Variants in ELAVL2 observed in about 807,000 individuals in gnomAD.
ELAVL2 encodes ELAV-like protein 2.
ELAVL2 carries 4 observed loss-of-function variants against 34.6 expected under a neutral mutation model. The ratio of observed to expected loss-of-function variants is 0.12; its 90% CI spans 0.06 to 0.26. The LOEUF is 0.26. ELAVL2 is among the 10% of genes least tolerant of loss of function. The pLI is 1.00. For missense variants in ELAVL2, 432 were observed against 442.8 expected (o/e 0.98, Z 0.22); for synonymous variants, 193 against 154.8 (o/e 1.25, Z -1.83).
intron 1 of ELAVL2, among the ~76,000 whole-genome samples, chr9:23,781,195 T>C (rs563131092): frequency 9.2e-5 from 14 of 152,348 alleles, no homozygotes; most frequent in Non-Finnish European, 1.9e-4. Context: ...TCAGGCACTA[T>C]ACAAAGTAGG....
At chr9:23,822,742 T>TA (rs1169523836) in intron 1 of ELAVL2, among the ~76,000 whole-genome samples, 2 of 152,266 alleles carry the variant, frequency 1.3e-5, no homozygotes, top group East Asian at 1.9e-4. Flanking sequence ...ATACTACATT[T>TA]AAAAAATCAC....
rs1466353669 is a variant in ELAVL2 at position 23,691,298 on chromosome 9, T to TTA, written c.*1257_*1258dup. On this transcript the variant is annotated 3_prime_UTR_variant, in exon 7 of 7. Transcript: ENST00000397312. ...CTGAAAGGTTCATAAACACAAGGTC[T>TTA]TATTTACATTACACAAAGCTCAGGT... 2 of 152,650 alleles carry TTA rather than the reference T, an allele frequency of 1.3e-5. No homozygotes were observed. Among genetic ancestry groups the TTA allele is most frequent in the South Asian group, 2.1e-4 (1 of 4,838 alleles). The allele number at this position is 152,650 out of a possible 1,614,324, so 9.5% of individuals were successfully genotyped here.
At chr9:23,705,958 T>G (rs143174389) in intron 3 of ELAVL2, among the ~76,000 whole-genome samples, 1 of 152,234 alleles carries the variant, frequency 6.6e-6, no homozygotes, top group East Asian at 1.9e-4. Flanking sequence ...GTGTGGGTGG[T>G]AGTGCTACAT....
At chr9:23,717,224 G>T (rs2042544674) in intron 3 of ELAVL2, among the ~76,000 whole-genome samples, 1 of 152,224 alleles carries the variant, frequency 6.6e-6, no homozygotes, top group African/African-American at 2.4e-5. Flanking sequence ...CCTTTCCTCT[G>T]TGTGTACACT....
At chr9:23,794,347 T>C (rs2060660752) in intron 1 of ELAVL2, among the ~76,000 whole-genome samples, 1 of 152,130 alleles carries the variant, frequency 6.6e-6, no homozygotes, top group Non-Finnish European at 1.5e-5. Context: ...CAGCTTCCCC[T>C]AAAGAGGGGA....
At chr9:23,747,212 G>A (rs576102838) in intron 2 of ELAVL2, among the ~76,000 whole-genome samples, 27 of 152,076 alleles carry the variant, frequency 1.8e-4, no homozygotes, top group Non-Finnish European at 3.7e-4. Context: ...AAAGGACAGG[G>A]AACATGTACC....
chr9:23,846,047 C>T, the ELAVL2 span, among the ~76,000 whole-genome samples: 1 of 151,656 alleles, frequency 6.6e-6, no homozygotes, highest in South Asian at 2.1e-4. Flanking sequence ...CTAATAAACC[C>T]AAGAATAGGC....
rs1474859666 is a variant in ELAVL2, at chr9:23,821,778, C to CGCGCT, written c.-16+4027_-16+4028insAGCGC. 1.6e-4 allele frequency: 24 copies of CGCGCT among 151,620 alleles called. 1 individual carries two copies. Among genetic ancestry groups the CGCGCT allele is most frequent in the African/African-American group, 5.8e-4 (24 of 41,496 alleles). 9.4% of individuals were successfully genotyped at this position (151,620 alleles called of 1,614,324 possible). On this transcript the variant is annotated intron_variant, in intron 1 of 6. Transcript: ENST00000397312. ...CCACCCGCGCCGCGCCGCGCCGCGC[C>CGCGCT]GGCAACCGCCCTCCTCACCCGGCCG... is the stretch of plus-strand genomic sequence containing the variant.
chr9:23,780,098 G>C (rs994556545), intron 1 of ELAVL2, among the ~76,000 whole-genome samples: 5 of 140,824 alleles, frequency 3.6e-5, no homozygotes, highest in African/African-American at 1.3e-4. Flanking sequence ...AATCTGCAGA[G>C]AATATCATCT....
At chr9:23,840,216 A>C in the ELAVL2 span, among the ~76,000 whole-genome samples, 1 of 152,196 alleles carries the variant, frequency 6.6e-6, no homozygotes, top group East Asian at 1.9e-4. Flanking sequence ...AGTATTTGTC[A>C]AGTGCCTGGC....
chr9:23,810,697 C>G (rs1401042844), intron 1 of ELAVL2, among the ~76,000 whole-genome samples: 1 of 152,122 alleles, frequency 6.6e-6, no homozygotes, highest in Non-Finnish European at 1.5e-5. Context: ...CTGACCTGAT[C>G]CTACTTCCCC....
intron 1 of ELAVL2, among the ~76,000 whole-genome samples, chr9:23,774,235 A>AAAAAAAAAAAAAAAAG (rs59791462): frequency 7.6e-6 from 1 of 132,314 alleles, no homozygotes; most frequent in African/African-American, 3.2e-5. Context: ...AAAAAAAAAA[A>AAAAAAAAAAAAAAAAG]AAAGAAAGAA....
the ELAVL2 span, among the ~76,000 whole-genome samples, chr9:23,844,770 C>T: frequency 1.3e-5 from 2 of 151,838 alleles, no homozygotes. Context: ...TCAAGCGAGG[C>T]GGTATGTAGC....
intron 3 of ELAVL2, among the ~76,000 whole-genome samples, chr9:23,711,213 G>C (rs1196075346): frequency 6.6e-6 from 1 of 152,166 alleles, no homozygotes; most frequent in Non-Finnish European, 1.5e-5. Flanking sequence ...TTAAAGGTTA[G>C]GGCAGTTATC....
rs1193356055 is a variant in ELAVL2, at chr9:23,706,475, G to T, written c.334-1404C>A. 2.0e-5 allele frequency among the ~76,000 whole-genome samples: 3 copies of T among 152,154 alleles called. No individual in the cohort carries two copies. The East Asian group carries it at 5.8e-4, about 29-fold the overall frequency. ...TCAGTTCAAGTCATCCAGATCTCCT[G>T]CCCCAATTGTAATTGATGACTCTCT... On this transcript the variant is annotated intron_variant, in intron 3 of 6. Transcript: ENST00000397312.
intron 2 of ELAVL2, among the ~76,000 whole-genome samples, chr9:23,732,466 G>A (rs78641403): frequency 0.017 from 2,596 of 152,216 alleles, 36 homozygotes; most frequent in Non-Finnish European, 0.028. Context: ...AACTAATTAG[G>A]TTAATTTCAT....
At chr9:23,782,455 C>G (rs1307866833) in intron 1 of ELAVL2, among the ~76,000 whole-genome samples, 1 of 151,734 alleles carries the variant, frequency 6.6e-6, no homozygotes, top group Admixed American at 6.6e-5. Context: ...ACCTGTAATC[C>G]CAGCTACTCA....
chr9:23,742,894 C>T (rs1219998143), intron 2 of ELAVL2, among the ~76,000 whole-genome samples: 1 of 152,102 alleles, frequency 6.6e-6, no homozygotes, highest in Non-Finnish European at 1.5e-5. Flanking sequence ...ACACACAGCA[C>T]TGATTTTTAC....
chr9:23,743,169 A>G (rs1587995726), intron 2 of ELAVL2, among the ~76,000 whole-genome samples: 2 of 152,300 alleles, frequency 1.3e-5, no homozygotes, highest in South Asian at 2.1e-4. Context: ...CCTGACAGAA[A>G]TAAGTATCAA....
Sources: gnomAD v4.1 joint callset for allele counts (sites outside exome capture counted in the v4.1 genomes callset) on GRCh38, gnomAD v4.1.1 for gene constraint, MANE v1.5 for transcripts, NCBI Gene and HGNC (gene_info 2026-07-23, HGNC 2026-07-21) for gene names.